The following NUP160 variants were observed in gnomAD, a reference collection of about 807,000 sequenced individuals.
NUP160 encodes nuclear pore complex protein Nup160.
In NUP160, 94 loss-of-function variants were observed where a neutral mutation model predicts 196.9. The observed-to-expected ratio is 0.48, with a 90% CI of 0.40 to 0.57. NUP160 has a LOEUF of 0.57. NUP160 is among the 20% of genes least tolerant of loss of function. NUP160 has a pLI of 0.00. For missense variants in NUP160, 1,638 were observed against 1,748.3 expected (o/e 0.94, Z 1.13); for synonymous variants, 605 against 619.7 (o/e 0.98, Z 0.35).
chr11:47,838,334 G>A (rs1852220733), intron 4 of NUP160, among the ~76,000 whole-genome samples: 2 of 152,152 alleles, frequency 1.3e-5, no homozygotes, highest in African/African-American at 2.4e-5. Flanking sequence ...AGATGAAGTT[G>A]GAGACAGCAG....
chr11:47,837,692 T>C, intron 4 of NUP160, 69 bp from the exon 5 acceptor site: 2 of 1,186,446 alleles, frequency 1.7e-6, no homozygotes, highest in South Asian at 1.2e-5. Context: ...GATGTAACCA[T>C]GAACAAGGTC....
At chr11:47,828,812 G>A (rs938692121) in intron 7 of NUP160, among the ~76,000 whole-genome samples, 4 of 152,180 alleles carry the variant, frequency 2.6e-5, no homozygotes, top group African/African-American at 9.6e-5. Flanking sequence ...ATTTTGAGAA[G>A]GGTGCCAAGA....
At chr11:47,813,451 G>A in intron 13 of NUP160, 36 bp from the exon 14 acceptor site, 1 of 1,408,210 alleles carries the variant, frequency 7.1e-7, no homozygotes, top group Non-Finnish European at 1.0e-6. Flanking sequence ...ATTTTTGTCA[G>A]TAAAATTTTA....
intron 2 of NUP160, among the ~76,000 whole-genome samples, chr11:47,843,834 A>G (rs1852351502): frequency 6.6e-6 from 1 of 152,188 alleles, no homozygotes; most frequent in African/African-American, 2.4e-5. Flanking sequence ...AATGCCAACA[A>G]TTTCACAATC....
exon 2 of NUP160, chr11:47,847,884 T>C (rs1160945055): frequency 6.2e-7 from 1 of 1,614,028 alleles, no homozygotes; most frequent in Admixed American, 1.7e-5. Flanking sequence ...GGAGAACAAC[T>C]TGCCACTCTC....
At chr11:47,817,767 C>G (rs998686025) in intron 11 of NUP160, among the ~76,000 whole-genome samples, 3 of 152,120 alleles carry the variant, frequency 2.0e-5, no homozygotes, top group African/African-American at 7.2e-5. Context: ...AGATTCTATA[C>G]AGTGCAGTAT....
At chr11:47,839,958 A>T in exon 4 of NUP160, 4 of 1,613,844 alleles carry the variant, frequency 2.5e-6, no homozygotes, top group Non-Finnish European at 3.4e-6. Flanking sequence ...TGGAATTAGG[A>T]GATATTCCAG....
Position 47,807,157 on chromosome 11 carries a change from A to G in NUP160, c.2376-17T>C, listed in dbSNP as rs750787792. 24 of 1,540,270 alleles carry G rather than the reference A, an allele frequency of 1.6e-5. No individual in the cohort carries two copies. The highest frequency in any genetic ancestry group is 2.2e-5 in the Non-Finnish European group (24 of 1,113,852). ...TTAGACTCCCTGTGAGAAAAGGGGA[A>G]AAGACAGCTTAGTAAATTCTCCTAT... On this transcript the variant is annotated splice_polypyrimidine_tract_variant and intron_variant, in intron 18 of 35. Transcript: ENST00000378460.
At chr11:47,812,518 A>T in intron 15 of NUP160, 89 bp from the exon 16 acceptor site, 2 of 1,272,106 alleles carry the variant, frequency 1.6e-6, no homozygotes, top group South Asian at 2.8e-5. Context: ...ATTATGAAAC[A>T]AGAGAACCAG....
intron 15 of NUP160, 101 bp downstream of exon 15, chr11:47,812,781 T>C (rs1264657760): frequency 5.5e-6 from 5 of 904,328 alleles, no homozygotes; most frequent in Non-Finnish European, 8.3e-6. Context: ...GACTTTAAGC[T>C]ACTATTCTGT....
In NUP160 at chr11:47,795,268, T is replaced by C. The variant is rs367751514; in HGVS notation, c.3290-2322A>G. ...CTATTTTTCATTTCAACAAATATTT[T>C]TGAATACCTGCAATATGTAAGGCGC... On this transcript the variant is annotated intron_variant, in intron 27 of 35. Coordinates refer to ENST00000378460, the Ensembl canonical transcript of NUP160. Among the ~76,000 whole-genome samples the C allele has an allele frequency of 5.3e-5, 8 of 152,366 alleles. No individual in the cohort carries two copies. The South Asian group carries it at 1.0e-3, about 20-fold the overall frequency.
At chr11:47,830,066 G>C (rs1460860780) in intron 7 of NUP160, among the ~76,000 whole-genome samples, 1 of 152,130 alleles carries the variant, frequency 6.6e-6, no homozygotes, top group Non-Finnish European at 1.5e-5. Context: ...GACATGAACA[G>C]ACACTTTTCA....
chr11:47,817,406 A>T (rs1366276718), intron 11 of NUP160, among the ~76,000 whole-genome samples: 1 of 149,010 alleles, frequency 6.7e-6, no homozygotes, highest in African/African-American at 2.5e-5. Context: ...GCAGTGGCGC[A>T]ATCTTGGCTC....
At chr11:47,813,151 AG>A (rs1263570534) in intron 14 of NUP160, 104 bp from the exon 15 acceptor site, 26 of 1,015,134 alleles carry the variant, frequency 2.6e-5, no homozygotes, top group South Asian at 1.5e-5. Flanking sequence ...AATCTATCTG[AG>A]GTCTCAGAGA....
chr11:47,788,310 GA>G lies in NUP160; in HGVS notation c.3623-6del. On this transcript the variant is annotated splice_polypyrimidine_tract_variant and splice_region_variant and intron_variant, in intron 30 of 35. Transcript: ENST00000378460. Reference sequence around the variant, plus strand: ...TTTCCTCTGCTGATGAACTTCCTGTGAAAATGGAAAAAGATTATTTCGTGTA... The same window carrying G: ...TTTCCTCTGCTGATGAACTTCCTGTGAAATGGAAAAAGATTATTTCGTGTA... 6.2e-7 allele frequency: 1 copy of G among 1,612,972 alleles called. No homozygotes were observed. The highest frequency in any genetic ancestry group is 8.5e-7 in the Non-Finnish European group (1 of 1,179,718).
chr11:47,816,586 C>T (rs1041658746), intron 11 of NUP160, among the ~76,000 whole-genome samples: 3 of 151,886 alleles, frequency 2.0e-5, no homozygotes, highest in African/African-American at 7.3e-5. Flanking sequence ...ACAAGCTTGG[C>T]CAATATGGCA....
chr11:47,808,389 A>G lies in NUP160; in HGVS notation c.2375+7T>C. 6.2e-7 allele frequency: 1 copy of G among 1,606,384 alleles called. No homozygotes were observed. The highest frequency in any genetic ancestry group is 8.5e-7 in the Non-Finnish European group (1 of 1,176,422). On this transcript the variant is annotated splice_region_variant and intron_variant, in intron 18 of 35. Transcript: ENST00000378460. The stretch of plus-strand genomic sequence containing the variant: ...ACATTTTAAATAATTGGGATAATGA[A>G]ACTCACAGTGTGTCAAGTGGAACAT...
intron 29 of NUP160, among the ~76,000 whole-genome samples, chr11:47,791,588 G>A (rs796182208): frequency 6.6e-6 from 1 of 152,130 alleles, no homozygotes; most frequent in South Asian, 2.1e-4. Flanking sequence ...TGATCCACCT[G>A]CCTCGGCCTC....
At chr11:47,812,985 C>T (rs745472825) in exon 15 of NUP160, 24 of 1,611,908 alleles carry the variant, frequency 1.5e-5, no homozygotes, top group Non-Finnish European at 1.8e-5. Flanking sequence ...TCCACAGTTA[C>T]TGACTCTTCA....
Sources: gnomAD v4.1 joint callset for allele counts (sites outside exome capture counted in the v4.1 genomes callset) on GRCh38, gnomAD v4.1.1 for gene constraint, MANE v1.5 for transcripts, NCBI Gene and HGNC (gene_info 2026-07-23, HGNC 2026-07-21) for gene names.